The following FOXP1 variants were observed in gnomAD, a reference collection of about 807,000 sequenced individuals.
FOXP1 encodes forkhead box P1.
In FOXP1, 15 loss-of-function variants were observed where a neutral mutation model predicts 98.2. That is an observed-to-expected ratio of 0.15 (90% CI 0.10 to 0.24). The LOEUF is 0.24. Ranked by LOEUF, FOXP1 falls within the 10% of genes least tolerant of loss-of-function variation. The pLI, the probability that FOXP1 is intolerant of heterozygous loss-of-function variation, is 1.00. For synonymous variants in FOXP1, 371 were observed against 314.5 expected (o/e 1.18, Z -1.90); for missense variants, 633 against 848.5 (o/e 0.75, Z 3.15).
intron 3 of FOXP1, among the ~76,000 whole-genome samples, chr3:71,414,635 CG>C (rs1466976213): frequency 2.6e-5 from 4 of 152,328 alleles, no homozygotes; most frequent in Admixed American, 2.0e-4. Flanking sequence ...GTCTTCTAGA[CG>C]TGCCCCAGCC....
intron 6 of FOXP1, among the ~76,000 whole-genome samples, chr3:71,195,000 C>CA (rs2063215667): frequency 1.3e-5 from 2 of 152,254 alleles, no homozygotes; most frequent in East Asian, 3.9e-4. Context: ...TACCTAGAGG[C>CA]ATAAATGAGC....
At chr3:71,252,054 G>A (rs2068233743) in intron 5 of FOXP1, among the ~76,000 whole-genome samples, 1 of 152,094 alleles carries the variant, frequency 6.6e-6, no homozygotes, top group Admixed American at 6.5e-5. Flanking sequence ...AAGATATAAG[G>A]GGAAGATGAC....
Position 71,480,123 on chromosome 3 carries a change from G to A in FOXP1, c.-168+13303C>T, listed in dbSNP as rs146603333. Among the ~76,000 whole-genome samples, 14 of 152,310 alleles carry A rather than the reference G, an allele frequency of 9.2e-5. 1 individual carries two copies. The East Asian group carries it at 2.3e-3, about 25-fold the overall frequency. Reference sequence around the variant, plus strand: ...ACGCAGAAGAATTGGTTGACCCCGGGAGGCAGAGTAAGAGAAGATCGCGCC... The same window carrying A: ...ACGCAGAAGAATTGGTTGACCCCGGAAGGCAGAGTAAGAGAAGATCGCGCC... On this transcript the variant is annotated intron_variant, in intron 3 of 20. Transcript: ENST00000649528.
At chr3:71,489,420 GAC>G in intron 3 of FOXP1, among the ~76,000 whole-genome samples, 1 of 152,358 alleles carries the variant, frequency 6.6e-6, no homozygotes, top group East Asian at 1.9e-4. Flanking sequence ...ACGATGCAAT[GAC>G]AGAGCAGAGA....
upstream of FOXP1, chr3:71,583,938 G>A (rs1254057156): frequency 1.2e-5 from 12 of 983,136 alleles, no homozygotes; most frequent in East Asian, 1.4e-3. Flanking sequence ...GGCCCCCCGA[G>A]CGGGAGCGGC....
At chr3:71,026,083 C>T (rs1459069623) in intron 11 of FOXP1, among the ~76,000 whole-genome samples, 1 of 152,180 alleles carries the variant, frequency 6.6e-6, no homozygotes, top group African/African-American at 2.4e-5. Flanking sequence ...TCATAATATG[C>T]ACACACTCAG....
chr3:71,056,057 G>C (rs556480106), intron 7 of FOXP1, among the ~76,000 whole-genome samples: 1 of 152,268 alleles, frequency 6.6e-6, no homozygotes, highest in Admixed American at 6.5e-5. Flanking sequence ...TGAACTTTTG[G>C]GGGCGATGGA....
intron 14 of FOXP1, among the ~76,000 whole-genome samples, chr3:70,980,061 G>A (rs1452713748): frequency 6.6e-6 from 1 of 152,156 alleles, no homozygotes; most frequent in East Asian, 1.9e-4. Context: ...CCAGCAAGCT[G>A]AGCAGATGCC....
At chr3:71,522,546 A>AGAAAAGGTACTGGAAGATT (rs1407062883) in intron 2 of FOXP1, among the ~76,000 whole-genome samples, 1 of 152,234 alleles carries the variant, frequency 6.6e-6, no homozygotes, top group Non-Finnish European at 1.5e-5. Flanking sequence ...CTTAAAAGAC[A>AGAAAAGGTACTGGAAGATT]GAAAAGGTAC....
At chr3:71,325,919 T>C (rs547466348) in intron 4 of FOXP1, among the ~76,000 whole-genome samples, 66 of 152,298 alleles carry the variant, frequency 4.3e-4, no homozygotes, top group South Asian at 1.2e-3. Flanking sequence ...AATGTATTCT[T>C]TGTATACCAA....
At position 70,977,713 on chromosome 3, in the gene FOXP1, G is replaced by A. The variant is rs1251323482; in HGVS notation, c.1358C>T (p.Ala453Val). Residue 453 changes from alanine (A) to valine (V), a missense_variant, in exon 16 of 21, where the codon GCG becomes GTG. Coordinates refer to ENST00000649528, the MANE Select transcript of FOXP1 (RefSeq NM_001349338.3). The part of the protein sequence containing the change: ...YNVPISSADI[A>V]QNQEFYKNAE... ...GTTCTTATAAAATTCTTGGTTCTGC[G>A]CAATATCTGCTGAATAAGAATCATT... is the stretch of plus-strand genomic sequence containing the variant. 17 of 1,613,814 alleles carry A rather than the reference G, an allele frequency of 1.1e-5. No homozygotes were observed. The highest frequency in any genetic ancestry group is 1.3e-5 in the Non-Finnish European group (15 of 1,179,832).
chr3:70,987,774 G>A (rs751026351), intron 14 of FOXP1, among the ~76,000 whole-genome samples: 6 of 152,164 alleles, frequency 3.9e-5, no homozygotes, highest in Non-Finnish European at 7.3e-5. Context: ...TGAGTCTTAT[G>A]GGCAAGGACC....
chr3:71,461,806 A>G (rs2088149742), intron 3 of FOXP1, among the ~76,000 whole-genome samples: 1 of 152,048 alleles, frequency 6.6e-6, no homozygotes. Context: ...TATCGAAGAA[A>G]AAAAAAAAAG....
intron 5 of FOXP1, among the ~76,000 whole-genome samples, chr3:71,276,822 C>T (rs1171243850): frequency 6.6e-6 from 1 of 152,028 alleles, no homozygotes; most frequent in Non-Finnish European, 1.5e-5. Flanking sequence ...ATACAGTCAG[C>T]CTACAGTGGT....
intron 6 of FOXP1, among the ~76,000 whole-genome samples, chr3:71,158,223 A>G (rs1235362783): frequency 6.6e-6 from 1 of 151,996 alleles, no homozygotes; most frequent in Admixed American, 6.6e-5. Flanking sequence ...AAGAAAAAAG[A>G]AAGACAGAAG....
At chr3:71,252,953 T>C (rs2068323494) in intron 5 of FOXP1, among the ~76,000 whole-genome samples, 1 of 152,168 alleles carries the variant, frequency 6.6e-6, no homozygotes, top group African/African-American at 2.4e-5. Flanking sequence ...CATAGGCTAG[T>C]CCTGCAATGG....
chr3:71,383,904 G>A (rs1340761411), intron 3 of FOXP1, among the ~76,000 whole-genome samples: 2 of 152,188 alleles, frequency 1.3e-5, no homozygotes, highest in Non-Finnish European at 2.9e-5. Flanking sequence ...AAGCTCTTCA[G>A]AGACAACTAT....
At chr3:71,575,282 GTGAAGATAGAGA>G (rs1184657958) in intron 2 of FOXP1, among the ~76,000 whole-genome samples, 4 of 152,282 alleles carry the variant, frequency 2.6e-5, no homozygotes, top group African/African-American at 9.6e-5. Flanking sequence ...TAAAATCCAA[GTGAAGATAGAGA>G]TTTCAGTTCC....
At chr3:71,244,591 T>C (rs1238929652) in intron 5 of FOXP1, among the ~76,000 whole-genome samples, 1 of 151,720 alleles carries the variant, frequency 6.6e-6, no homozygotes, top group Non-Finnish European at 1.5e-5. Flanking sequence ...AGGCTTCTAA[T>C]GAAACTGTTG....
Sources: gnomAD v4.1 joint callset for allele counts (sites outside exome capture counted in the v4.1 genomes callset) on GRCh38, gnomAD v4.1.1 for gene constraint, MANE v1.5 for transcripts, NCBI Gene and HGNC (gene_info 2026-07-23, HGNC 2026-07-21) for gene names.